The following SLX4IP variants were observed in gnomAD, a reference collection of about 807,000 sequenced individuals.
SLX4IP encodes the protein protein SLX4IP.
Under a neutral mutation model 32.9 loss-of-function variants are expected in SLX4IP, and 34 were observed. The ratio of observed to expected loss-of-function variants is 1.03; its 90% CI spans 0.79 to 1.38. The LOEUF is 1.38. SLX4IP is among the 40% of genes most tolerant of loss of function. The pLI, the probability that SLX4IP is intolerant of heterozygous loss-of-function variation, is 0.00. For missense variants in SLX4IP, 444 were observed against 479.0 expected (o/e 0.93, Z 0.68); for synonymous variants, 172 against 171.7 (o/e 1.00, Z -0.01).
At chr20:10,473,769 A>C (rs1227175912) in intron 2 of SLX4IP, among the ~76,000 whole-genome samples, 1 of 151,656 alleles carries the variant, frequency 6.6e-6, no homozygotes, top group East Asian at 1.9e-4. Context: ...CGCCTGGCTA[A>C]TTTTTAAAAA....
intron 2 of SLX4IP, among the ~76,000 whole-genome samples, chr20:10,479,673 A>T (rs1041900484): frequency 4.1e-5 from 6 of 146,822 alleles, no homozygotes; most frequent in Admixed American, 7.0e-5. Flanking sequence ...ATTACTGTTA[A>T]CATGTTACAG....
In SLX4IP at chr20:10,458,198, A is replaced by G. The variant is rs779015151; in HGVS notation, c.-7A>G. 1 of 1,587,414 alleles carries G rather than the reference A, an allele frequency of 6.3e-7. No homozygotes were observed. Among genetic ancestry groups the G allele is most frequent in the Non-Finnish European group, 8.5e-7 (1 of 1,171,938 alleles). On this transcript the variant is annotated 5_prime_UTR_variant, in exon 2 of 8. Transcript: ENST00000334534. ...AAGGTCTGTAGTTACTGTGGAATCA[A>G]TAAGCCATGGCATCTAAGAAATTTG...
chr20:10,581,142 A>T (rs887490724), intron 4 of SLX4IP, among the ~76,000 whole-genome samples: 1 of 152,062 alleles, frequency 6.6e-6, no homozygotes, highest in Admixed American at 6.6e-5. Flanking sequence ...AATGATGCAA[A>T]CAAGCAGAGT....
chr20:10,518,370 TC>T (rs765914340), intron 2 of SLX4IP, among the ~76,000 whole-genome samples: 23,447 of 148,010 alleles, frequency 0.16, 3,087 homozygotes, highest in Admixed American at 0.22. Context: ...TTTCTTTCTC[TC>T]TCTCTTTCTT....
Position 10,565,837 on chromosome 20 carries a change from A to G in SLX4IP, c.238+5017A>G, listed in dbSNP as rs2066387016. Among the ~76,000 whole-genome samples, 3 of 152,306 alleles carry G rather than the reference A, an allele frequency of 2.0e-5. No individual in the cohort carries two copies. The South Asian group carries it at 6.2e-4, about 32-fold the overall frequency. The stretch of plus-strand genomic sequence containing the variant: ...CACCACATATCCTTCAAAAGAGATG[A>G]CCCAGAGTCTCAAGTCCCAGCTCCA... On this transcript the variant is annotated intron_variant, in intron 4 of 7. Coordinates refer to ENST00000334534, the MANE Select transcript of SLX4IP (RefSeq NM_001009608.3).
intron 2 of SLX4IP, among the ~76,000 whole-genome samples, chr20:10,551,699 A>G (rs535948027): frequency 6.6e-6 from 1 of 152,304 alleles, no homozygotes; most frequent in Admixed American, 6.5e-5. Context: ...ACTGTTCAGA[A>G]TAGCTTCACA....
At chr20:10,580,360 T>C (rs2066570264) in intron 4 of SLX4IP, among the ~76,000 whole-genome samples, 1 of 152,018 alleles carries the variant, frequency 6.6e-6, no homozygotes, top group South Asian at 2.1e-4. Flanking sequence ...TGCACAGATA[T>C]GAATGCAGTG....
chr20:10,516,384 T>TCAGTGTTGAC (rs57936307), intron 2 of SLX4IP, among the ~76,000 whole-genome samples: 5 of 151,920 alleles, frequency 3.3e-5, no homozygotes, highest in Non-Finnish European at 7.4e-5. Context: ...CTTCAACAGA[T>TCAGTGTTGAC]TAATGTTGAT....
chr20:10,452,394 A>G (rs1465635114), intron 1 of SLX4IP, among the ~76,000 whole-genome samples: 2 of 151,736 alleles, frequency 1.3e-5, no homozygotes, highest in Non-Finnish European at 2.9e-5. Flanking sequence ...GGCTGGGCGC[A>G]GTGGCTCATG....
At chr20:10,435,876 G>A (rs2065107394) in intron 1 of SLX4IP, among the ~76,000 whole-genome samples, 2 of 152,030 alleles carry the variant, frequency 1.3e-5, no homozygotes, top group Non-Finnish European at 2.9e-5. Context: ...TTTGTGCTAG[G>A]CCATAAGGAT....
At chr20:10,457,931 G>A (rs1715810429) in intron 1 of SLX4IP, among the ~76,000 whole-genome samples, 1 of 151,640 alleles carries the variant, frequency 6.6e-6, no homozygotes, top group Non-Finnish European at 1.5e-5. Context: ...TCCCACTTTG[G>A]CCTCCCAAAG....
chr20:10,453,935 C>A (rs377664340), intron 1 of SLX4IP, among the ~76,000 whole-genome samples: 3 of 152,018 alleles, frequency 2.0e-5, no homozygotes, highest in Admixed American at 2.0e-4. Context: ...TTCAACCATT[C>A]TATTAAGTTT....
At position 10,494,309 on chromosome 20, in the gene SLX4IP, C is replaced by T. The variant is rs6039986; in HGVS notation, c.27+36078C>T. ...ACTGCCTGGGCCTGTGGTTCTAGGG[C>T]GGAGGATGGAAATAAAGCTTTTTGA... On this transcript the variant is annotated intron_variant, in intron 2 of 7. Transcript: ENST00000334534. Among the ~76,000 whole-genome samples, 74 of 150,852 alleles carry T rather than the reference C, an allele frequency of 4.9e-4. 1 individual carries two copies. Among genetic ancestry groups the T allele is most frequent in the African/African-American group, 1.7e-3 (72 of 41,248 alleles).
chr20:10,580,960 C>A (rs1464099934), intron 4 of SLX4IP, among the ~76,000 whole-genome samples: 1 of 152,068 alleles, frequency 6.6e-6, no homozygotes, highest in African/African-American at 2.4e-5. Context: ...GACAATAATT[C>A]CAGACAAAGG....
intron 2 of SLX4IP, among the ~76,000 whole-genome samples, chr20:10,531,475 T>C (rs886974667): frequency 3.9e-5 from 6 of 152,218 alleles, no homozygotes; most frequent in African/African-American, 1.4e-4. Context: ...TTGCTGTTTT[T>C]AAAAATTGTA....
intron 2 of SLX4IP, among the ~76,000 whole-genome samples, chr20:10,493,556 CT>C (rs1555808895): frequency 6.6e-6 from 1 of 151,500 alleles, no homozygotes; most frequent in Admixed American, 6.6e-5. Context: ...TCATTAAGTT[CT>C]TTTTTTTCAG....
At chr20:10,572,718 G>C (rs1009175428) in intron 4 of SLX4IP, among the ~76,000 whole-genome samples, 3 of 152,152 alleles carry the variant, frequency 2.0e-5, no homozygotes, top group Non-Finnish European at 2.9e-5. Context: ...GCAGTGGCCT[G>C]CTTTTTGGCA....
intron 4 of SLX4IP, among the ~76,000 whole-genome samples, chr20:10,594,133 CTG>C (rs1258814113): frequency 6.6e-6 from 1 of 152,156 alleles, no homozygotes; most frequent in Non-Finnish European, 1.5e-5. Flanking sequence ...AAAATATTAA[CTG>C]TTATTGAATC....
chr20:10,525,579 G>T (rs2065934339), intron 2 of SLX4IP, among the ~76,000 whole-genome samples: 1 of 152,154 alleles, frequency 6.6e-6, no homozygotes, highest in Non-Finnish European at 1.5e-5. Flanking sequence ...ATTTAGAGTT[G>T]CCTCTTTTTT....
Sources: gnomAD v4.1 joint callset for allele counts (sites outside exome capture counted in the v4.1 genomes callset) on GRCh38, gnomAD v4.1.1 for gene constraint, MANE v1.5 for transcripts, NCBI Gene and HGNC (gene_info 2026-07-23, HGNC 2026-07-21) for gene names.